The following SYNPR variants were observed in gnomAD, a reference collection of about 807,000 sequenced individuals.
SYNPR encodes synaptoporin.
A neutral mutation model predicts 32.9 loss-of-function variants in SYNPR; 23 were observed. That is an observed-to-expected ratio of 0.70 (90% CI 0.50 to 0.99). SYNPR has a LOEUF of 0.99. Among genes scored for constraint, SYNPR ranks in the 50% least tolerant of loss-of-function variants. The pLI is 0.00. For synonymous variants in SYNPR, 146 were observed against 135.9 expected (o/e 1.07, Z -0.52); for missense variants, 318 against 349.3 (o/e 0.91, Z 0.71).
intron 1 of SYNPR, among the ~76,000 whole-genome samples, chr3:63,245,538 A>G (rs1672906016): frequency 6.6e-6 from 1 of 151,936 alleles, no homozygotes; most frequent in Admixed American, 6.6e-5. Context: ...AATTTTATAA[A>G]CTGCCCTAAT....
At chr3:63,380,993 A>G (rs1018837407) in intron 2 of SYNPR, among the ~76,000 whole-genome samples, 1 of 152,174 alleles carries the variant, frequency 6.6e-6, no homozygotes, top group African/African-American at 2.4e-5. Flanking sequence ...ACACTGGCAC[A>G]AGACAGGGAT....
intron 3 of SYNPR, chr3:63,545,458 C>G (rs1702383463): frequency 6.6e-6 from 1 of 152,118 alleles, no homozygotes; most frequent in Non-Finnish European, 1.5e-5. Flanking sequence ...CCATACCACC[C>G]TGAACACGCC....
intron 2 of SYNPR, among the ~76,000 whole-genome samples, chr3:63,368,686 G>C (rs534695228): frequency 1.3e-5 from 2 of 152,310 alleles, no homozygotes; most frequent in South Asian, 4.1e-4. Context: ...TTTTCAATCA[G>C]AGGTGGCAGT....
At chr3:63,564,635 A>C (rs1459100717) in intron 4 of SYNPR, among the ~76,000 whole-genome samples, 1 of 152,222 alleles carries the variant, frequency 6.6e-6, no homozygotes, top group Non-Finnish European at 1.5e-5. Context: ...CATTTCTCTC[A>C]GAATTGGCAG....
intron 2 of SYNPR, among the ~76,000 whole-genome samples, chr3:63,322,888 C>T (rs956904869): frequency 2.6e-5 from 4 of 152,024 alleles, no homozygotes; most frequent in Non-Finnish European, 5.9e-5. Context: ...AATGCAGCAG[C>T]CTCTAAGGGC....
intron 2 of SYNPR, among the ~76,000 whole-genome samples, chr3:63,333,668 T>C (rs2087254212): frequency 6.6e-6 from 1 of 152,174 alleles, no homozygotes; most frequent in Non-Finnish European, 1.5e-5. Flanking sequence ...TCCTCTCACC[T>C]TGGCTTTCCA....
At chr3:63,571,691 T>C (rs1462032517) in intron 4 of SYNPR, among the ~76,000 whole-genome samples, 1 of 152,216 alleles carries the variant, frequency 6.6e-6, no homozygotes, top group Non-Finnish European at 1.5e-5. Context: ...CCAGACTTTA[T>C]ACTCTTGCTT....
At chr3:63,497,538 T>C (rs1041678920) in intron 3 of SYNPR, among the ~76,000 whole-genome samples, 1 of 149,526 alleles carries the variant, frequency 6.7e-6, no homozygotes, top group African/African-American at 2.5e-5. Context: ...TTATATATGT[T>C]GTGGGGTGTT....
intron 3 of SYNPR, among the ~76,000 whole-genome samples, chr3:63,515,720 A>G (rs967946513): frequency 2.6e-5 from 4 of 152,150 alleles, no homozygotes; most frequent in African/African-American, 9.7e-5. Flanking sequence ...CAAAATTATT[A>G]TAGAGAATTT....
intron 2 of SYNPR, among the ~76,000 whole-genome samples, chr3:63,365,888 TA>T (rs1276742487): frequency 2.6e-5 from 4 of 152,198 alleles, no homozygotes; most frequent in Non-Finnish European, 5.9e-5. Flanking sequence ...AGTCCATTAA[TA>T]GGGGCACACC....
intron 3 of SYNPR, among the ~76,000 whole-genome samples, chr3:63,525,464 G>A (rs556209344): frequency 8.5e-5 from 13 of 152,136 alleles, no homozygotes; most frequent in Non-Finnish European, 1.6e-4. Context: ...AAATGCTTTA[G>A]AAAAAGGATG....
chr3:63,493,326 C>T (rs187325328), intron 3 of SYNPR, among the ~76,000 whole-genome samples: 47 of 152,092 alleles, frequency 3.1e-4, no homozygotes, highest in Admixed American at 1.8e-3. Context: ...CAGCCAGAGC[C>T]GAGACATGAA....
At chr3:63,571,419 T>G (rs541537666) in intron 4 of SYNPR, among the ~76,000 whole-genome samples, 1 of 152,272 alleles carries the variant, frequency 6.6e-6, no homozygotes, top group African/African-American at 2.4e-5. Context: ...TTTATAAACT[T>G]CCAAAACATC....
At chr3:63,221,074 G>T in the SYNPR span, among the ~76,000 whole-genome samples, 1 of 152,150 alleles carries the variant, frequency 6.6e-6, no homozygotes, top group Admixed American at 6.5e-5. Context: ...TGCAGATCAA[G>T]TACAAGGGAA....
chr3:63,352,108 G>A (rs1304636448), intron 2 of SYNPR, among the ~76,000 whole-genome samples: 2 of 152,078 alleles, frequency 1.3e-5, no homozygotes, highest in Admixed American at 6.5e-5. Flanking sequence ...GTCCTGGGGT[G>A]GAAACAGAGA....
intron 2 of SYNPR, among the ~76,000 whole-genome samples, chr3:63,447,025 T>TAA (rs11406044): frequency 3.8e-4 from 58 of 151,466 alleles, no homozygotes; most frequent in African/African-American, 1.4e-3. Context: ...CTCTTGTTCT[T>TAA]AAAAAAAAAG....
chr3:63,397,818 G>A (rs1472206743), intron 2 of SYNPR, among the ~76,000 whole-genome samples: 7 of 152,102 alleles, frequency 4.6e-5, no homozygotes, highest in African/African-American at 1.4e-4. Flanking sequence ...ATACGATAAT[G>A]GCTCATAAAA....
At chr3:63,288,425 C>T (rs1283093299) in intron 2 of SYNPR, among the ~76,000 whole-genome samples, 2 of 152,170 alleles carry the variant, frequency 1.3e-5, no homozygotes, top group Non-Finnish European at 2.9e-5. Flanking sequence ...CAAGATGTTA[C>T]ACCTTTGAGA....
intron 2 of SYNPR, chr3:63,443,377 T>C: frequency 1.9e-6 from 3 of 1,570,758 alleles, no homozygotes; most frequent in Non-Finnish European, 2.6e-6. Flanking sequence ...AGAGAAGCTT[T>C]ATTTTTAGTA....
Sources: allele counts gnomAD v4.1 joint callset (sites outside exome capture counted in the v4.1 genomes callset), GRCh38; gene constraint gnomAD v4.1.1; transcripts MANE v1.5; gene names NCBI Gene and HGNC (gene_info 2026-07-23, HGNC 2026-07-21).